MOSMO: variants seen among roughly 807,000 people sequenced by gnomAD.
The protein encoded by MOSMO is modulator of smoothened.
MOSMO carries 5 observed loss-of-function variants against 18.4 expected under a neutral mutation model. That is an observed-to-expected ratio of 0.27 (90% CI 0.14 to 0.57). The LOEUF (loss-of-function observed/expected upper bound fraction) is 0.57, where lower values mean the gene tolerates loss of function less well. MOSMO is among the 20% of genes least tolerant of loss of function. MOSMO has a pLI of 0.92. For missense variants in MOSMO, 138 were observed against 211.8 expected (o/e 0.65, Z 2.16); for synonymous variants, 82 against 82.3 (o/e 1.00, Z 0.02).
chr16:22,034,399 C>A (rs1598005458), intron 1 of MOSMO, among the ~76,000 whole-genome samples: 1 of 152,298 alleles, frequency 6.6e-6, no homozygotes, highest in East Asian at 1.9e-4. Flanking sequence ...GACAAACTTT[C>A]TGGTGAAGAA....
intron 1 of MOSMO, among the ~76,000 whole-genome samples, chr16:22,061,047 C>T (rs1900635110): frequency 2.0e-5 from 3 of 152,020 alleles, no homozygotes; most frequent in Admixed American, 6.6e-5. Context: ...TTTATAGTAG[C>T]CTTATTCATG....
At chr16:22,057,327 G>C (rs1028427564) in intron 1 of MOSMO, among the ~76,000 whole-genome samples, 1 of 152,172 alleles carries the variant, frequency 6.6e-6, no homozygotes, top group Non-Finnish European at 1.5e-5. Context: ...ATCCTCCTGA[G>C]GGAGGAACAC....
intron 1 of MOSMO, among the ~76,000 whole-genome samples, chr16:22,026,462 G>T (rs1316535214): frequency 6.6e-6 from 1 of 151,894 alleles, no homozygotes; most frequent in African/African-American, 2.4e-5. Flanking sequence ...CAGGTGATCC[G>T]CCCACCTCGG....
At chr16:22,010,284 G>A (rs1899496988) in intron 1 of MOSMO, among the ~76,000 whole-genome samples, 1 of 152,138 alleles carries the variant, frequency 6.6e-6, no homozygotes, top group Non-Finnish European at 1.5e-5. Context: ...AATCAGGATG[G>A]TTTCGAATTT....
At chr16:22,022,183 CTTTT>C (rs771655222) in intron 1 of MOSMO, among the ~76,000 whole-genome samples, 12 of 145,218 alleles carry the variant, frequency 8.3e-5, no homozygotes, top group Non-Finnish European at 1.7e-4. Context: ...GCCCGTATCA[CTTTT>C]TTTTTTTTTC....
intron 1 of MOSMO, among the ~76,000 whole-genome samples, chr16:22,052,747 G>T (rs1353983704): frequency 6.6e-6 from 1 of 152,058 alleles, no homozygotes; most frequent in Non-Finnish European, 1.5e-5. Context: ...AATAAGATTG[G>T]ATTCCATTTA....
downstream of MOSMO, chr16:22,087,016 T>C (rs557058602): frequency 6.6e-6 from 1 of 152,304 alleles, no homozygotes; most frequent in South Asian, 2.1e-4. Context: ...TATTAATAAG[T>C]ATTTGGCTAT....
intron 1 of MOSMO, among the ~76,000 whole-genome samples, chr16:22,022,257 A>G (rs1266153574): frequency 6.6e-6 from 1 of 151,616 alleles, no homozygotes; most frequent in African/African-American, 2.4e-5. Context: ...TCCTGAACTC[A>G]AGCAGTTCTC....
At chr16:22,009,133 C>T (rs978848109) in intron 1 of MOSMO, among the ~76,000 whole-genome samples, 1 of 152,216 alleles carries the variant, frequency 6.6e-6, no homozygotes, top group African/African-American at 2.4e-5. Flanking sequence ...CGGATTTTCC[C>T]TTTGAAGTGT....
chr16:22,061,442 T>C (rs1363095956), intron 1 of MOSMO, among the ~76,000 whole-genome samples: 1 of 152,218 alleles, frequency 6.6e-6, no homozygotes, highest in East Asian at 1.9e-4. Context: ...GTTCAGATTC[T>C]TAATCCCACA....
rs1899428797 is a variant in MOSMO at position 22,008,224 on chromosome 16, G to A, written c.-78G>A. On this transcript the variant is annotated 5_prime_UTR_variant, in exon 1 of 3. Coordinates refer to ENST00000542527, the MANE Select transcript of MOSMO (RefSeq NM_001164579.2). ...CAGCGGCGCGGGGACTCCGGGCCCC[G>A]GCGGCGGCCCATGGGGCGGGAGGCG... is the stretch of plus-strand genomic sequence containing the variant. 2.5e-6 allele frequency: 2 copies of A among 788,404 alleles called. No individual in the cohort carries two copies. The highest frequency in any genetic ancestry group is 1.8e-6 in the Non-Finnish European group (1 of 565,208). The allele number at this position is 788,404 out of a possible 1,614,324, so 48.8% of individuals were successfully genotyped here. A position where few individuals can be genotyped will look rare whatever the true frequency, so the allele number is the denominator to read the frequency against.
downstream of MOSMO, among the ~76,000 whole-genome samples, chr16:22,091,183 C>T (rs1901310783): frequency 6.6e-6 from 1 of 152,172 alleles, no homozygotes; most frequent in Non-Finnish European, 1.5e-5. Context: ...TTCTGATCTT[C>T]CTCATTTTCT....
chr16:22,064,996 A>T (rs1567512733), intron 1 of MOSMO, among the ~76,000 whole-genome samples: 1 of 152,236 alleles, frequency 6.6e-6, no homozygotes, highest in African/African-American at 2.4e-5. Context: ...TGGCAGAGTC[A>T]TAGTGCCATA....
intron 1 of MOSMO, among the ~76,000 whole-genome samples, chr16:22,011,253 T>C (rs536954526): frequency 1.3e-5 from 2 of 152,294 alleles, no homozygotes; most frequent in South Asian, 4.1e-4. Context: ...GTAGGTGAAT[T>C]TTCCAAGTGT....
intron 1 of MOSMO, among the ~76,000 whole-genome samples, chr16:22,037,784 G>C (rs901886090): frequency 2.0e-5 from 3 of 152,180 alleles, no homozygotes; most frequent in African/African-American, 7.2e-5. Context: ...AAGGCATGTG[G>C]GAAGGGGCGG....
chr16:22,044,502 C>T (rs1900270162), intron 1 of MOSMO, among the ~76,000 whole-genome samples: 1 of 152,102 alleles, frequency 6.6e-6, no homozygotes, highest in Admixed American at 6.5e-5. Context: ...TGACATGATG[C>T]TCAAAGGAAA....
chr16:22,019,581 A>G (rs990327093), intron 1 of MOSMO, among the ~76,000 whole-genome samples: 3 of 152,146 alleles, frequency 2.0e-5, no homozygotes, highest in African/African-American at 7.2e-5. Flanking sequence ...AGCAGGGAAT[A>G]TGATTTGTTG....
Position 22,081,520 on chromosome 16 carries a change from G to C in MOSMO, c.*640G>C. The C allele has an allele frequency of 4.1e-5, 1 of 24,324 alleles. No homozygotes were observed. The highest frequency in any genetic ancestry group is 1.7e-3 in the South Asian group (1 of 584). The allele number at this position is 24,324 out of a possible 1,614,324, so 1.5% of individuals were successfully genotyped here. ...AAAAAAAAAAAAAATCAAACACTAA[G>C]ACACATGTTTTGGGTGGGTGGGTGG... On this transcript the variant is annotated 3_prime_UTR_variant, in exon 3 of 3. Transcript: ENST00000542527.
At position 22,082,471 on chromosome 16, in the gene MOSMO, C is replaced by G. The variant is rs141110002; in HGVS notation, c.*1591C>G. 5 of 152,056 alleles carry G rather than the reference C, an allele frequency of 3.3e-5. No homozygotes were observed. Among genetic ancestry groups the G allele is most frequent in the Non-Finnish European group, 7.4e-5 (5 of 68,022 alleles). The allele number at this position is 152,056 out of a possible 1,614,324, so 9.4% of individuals were successfully genotyped here. ...TTCATGGCAGTGGAGCTAAGTTTCT[C>G]CTCTTTATAGTGAACTGGTGACCCA... On this transcript the variant is annotated 3_prime_UTR_variant, in exon 3 of 3. Transcript: ENST00000542527.
Sources: allele counts gnomAD v4.1 joint callset (sites outside exome capture counted in the v4.1 genomes callset), GRCh38; gene constraint gnomAD v4.1.1; transcripts MANE v1.5; gene names NCBI Gene and HGNC (gene_info 2026-07-23, HGNC 2026-07-21).